UAP1L1: variants seen among roughly 807,000 people sequenced by gnomAD.
UAP1L1 encodes the protein UDP-N-acetylhexosamine pyrophosphorylase-like protein 1.
A neutral mutation model predicts 45.3 loss-of-function variants in UAP1L1; 45 were observed. That is an observed-to-expected ratio of 0.99 (90% CI 0.78 to 1.27). The LOEUF (loss-of-function observed/expected upper bound fraction) is 1.27. Ranked by LOEUF, UAP1L1 falls within the 50% of genes most tolerant of loss-of-function variation. The pLI, the probability that UAP1L1 is intolerant of heterozygous loss-of-function variation, is 0.00. For synonymous variants in UAP1L1, 323 were observed against 303.9 expected, an observed-to-expected ratio of 1.06 and a Z score of -0.65; for missense variants, 667 against 694.0, an observed-to-expected ratio of 0.96 and a Z score of 0.44.
chr9:137,079,644 C>T, intron 5 of UAP1L1, 195 bp downstream of exon 5: 2 of 611,712 alleles, frequency 3.3e-6, no homozygotes, highest in East Asian at 2.9e-5. Flanking sequence ...GGAGATCAGG[C>T]ACAAGCCGTG....
Position 137,077,649 on chromosome 9 carries a change from G to C in UAP1L1, c.117G>C (p.Ala39=). 7.7e-7 allele frequency: 1 copy of C among 1,296,628 alleles called. No homozygotes were observed. Among genetic ancestry groups the C allele is most frequent in the Non-Finnish European group, 9.9e-7 (1 of 1,009,750 alleles). 80.3% of individuals were successfully genotyped at this position (1,296,628 alleles called of 1,614,324 possible). A position where few individuals can be genotyped will look rare whatever the true frequency, so the allele number is the denominator to read the frequency against. Residue 39 remains alanine (A), a synonymous_variant, in exon 1 of 9, where the codon GCG becomes GCC. Coordinates refer to ENST00000409858, the MANE Select transcript of UAP1L1 (RefSeq NM_207309.3). The surrounding 1 kb of genome is among the most constrained non-coding windows in gnomAD (Gnocchi z 4.7). ...GAGCCGCGCTGCTGGCGGAGCTGGC[G>C]CTGCTGGAGCCCGAGGCGCTGCGCG... ...EPRAALLAEL[A]LLEPEALREH...
In UAP1L1 at chr9:137,079,052, T is replaced by C. The variant is rs747033902; in HGVS notation, c.747T>C (p.Phe249=). ...ACATGGAGCGCCGGGGAGTGGAGTT[T>C]GTGCACGTGTACTGTGTGGACAACA... ...LEDMERRGVE[F]VHVYCVDNIL... Residue 249 remains phenylalanine (F), a synonymous_variant, in exon 4 of 9, where the codon TTT becomes TTC. Transcript: ENST00000409858. The C allele has an allele frequency of 1.9e-6, 3 of 1,608,348 alleles. No homozygotes were observed. Among genetic ancestry groups the C allele is most frequent in the Admixed American group, 3.5e-5 (2 of 57,876 alleles).
At position 137,079,398 on chromosome 9, in the gene UAP1L1, G is replaced by C; in HGVS notation, c.986G>C (p.Gly329Ala). The C allele has an allele frequency of 6.2e-7, 1 of 1,605,960 alleles. No individual in the cohort carries two copies. ...GACGGGAGCCTGCTGTACAATGCAG[G>C]CAACATCTGCAACCACTTCTTCACC... ...ASDGSLLYNA[G>A]NICNHFFTRG... The change falls in exon 5 of 9, where the codon GGC becomes GCC. Residue 329 changes from glycine to alanine, a missense_variant. Gly to Ala is a moderately conservative substitution (Grantham distance 60). Transcript: ENST00000409858.
rs1389702143 is a variant in UAP1L1 at position 137,078,159 on chromosome 9, C to G, written c.399C>G (p.Pro133=). 6.5e-7 allele frequency: 1 copy of G among 1,550,086 alleles called. No individual in the cohort carries two copies. Among genetic ancestry groups the G allele is most frequent in the Non-Finnish European group, 8.7e-7 (1 of 1,146,848 alleles). ...YPKGMYRVGL[P]SRKTLYQLQA... ...AGGGTATGTACCGTGTGGGGCTGCC[C>G]AGCCGGAAGACCCTGTACCAGCTGC... The change falls in exon 2 of 9, where the codon CCC becomes CCG. Residue 133 remains proline (P), a synonymous_variant. Coordinates refer to ENST00000409858, the MANE Select transcript of UAP1L1 (RefSeq NM_207309.3).
rs1231882912 is a variant in UAP1L1, at chr9:137,077,914, C to T, written c.289+93C>T. On this transcript the variant is annotated intron_variant, in intron 1 of 8. Coordinates refer to ENST00000409858, the MANE Select transcript of UAP1L1 (RefSeq NM_207309.3). The surrounding 1 kb of genome is among the most constrained non-coding windows in gnomAD (Gnocchi z 4.7). ...CCGCGCTCGGGGAACTGTAGTTCTC[C>T]TCGCTACTTTGAGACGTGTCTCGCC... The T allele has an allele frequency of 1.3e-6, 2 of 1,495,986 alleles. No individual in the cohort carries two copies. Among genetic ancestry groups the T allele is most frequent in the East Asian group, 2.5e-5 (1 of 40,716 alleles). The allele number at this position is 1,495,986 out of a possible 1,614,324, so 92.7% of individuals were successfully genotyped here. A position where few individuals can be genotyped will look rare whatever the true frequency, so the allele number is the denominator to read the frequency against.
rs773820526 is a variant in UAP1L1 at position 137,082,592 on chromosome 9, C to T, written c.1432-45C>T. 46 of 1,493,300 alleles carry T rather than the reference C, an allele frequency of 3.1e-5. No individual in the cohort carries two copies. The Admixed American group carries it at 5.3e-4, about 17-fold the overall frequency. 92.5% of individuals were successfully genotyped at this position (1,493,300 alleles called of 1,614,324 possible). A position where few individuals can be genotyped will look rare whatever the true frequency, so the allele number is the denominator to read the frequency against. ...TGGTGTGGCCAGAGGGGCTGTGACC[C>T]GCCAAAAGGTGGGTACTTGGCCATT... On this transcript the variant is annotated intron_variant, in intron 8 of 8. Coordinates refer to ENST00000409858, the MANE Select transcript of UAP1L1 (RefSeq NM_207309.3). This position sits in a 1 kb window ranked among gnomAD's most constrained non-coding sequence, Gnocchi z 5.7.
chr9:137,081,791 G>A (rs1030824900), intron 7 of UAP1L1, among the ~76,000 whole-genome samples: 5 of 152,152 alleles, frequency 3.3e-5, no homozygotes, highest in Admixed American at 2.0e-4. Context: ...GCCTGTGGGG[G>A]TGCTTTCTAC....
In UAP1L1 at chr9:137,082,649, T is replaced by G. The variant is rs1430326908; in HGVS notation, c.1444T>G (p.Tyr482Asp). The change falls in exon 9 of 9, where the codon TAC (tyrosine) becomes GAC (aspartate). Residue 482 changes from tyrosine to aspartate, a missense_variant. Tyr to Asp is a radical substitution (Grantham distance 160). Coordinates refer to ENST00000409858, the MANE Select transcript of UAP1L1 (RefSeq NM_207309.3). The surrounding 1 kb of genome is among the most constrained non-coding windows in gnomAD (Gnocchi z 5.7). ...TGCTCGTCTCCAGGGTTTAGAAGTG[T>G]ACCTGCAAGGCCGGGAGTTCCAGTC... Reference protein sequence around the residue: ...VSYSGEGLEVYLQGREFQSPL... With the variant: ...VSYSGEGLEVDLQGREFQSPL... 3.2e-6 allele frequency: 5 copies of G among 1,551,882 alleles called. No homozygotes were observed. Among genetic ancestry groups the G allele is most frequent in the Non-Finnish European group, 4.4e-6 (5 of 1,147,264 alleles).
Position 137,079,281 on chromosome 9 carries a change from A to C in UAP1L1, c.869A>C (p.Glu290Ala). ...GTGGTGGAAAAGGCATACCCCGAGG[A>C]GCCCGTGGGCGTGGTGTGCCAGGTG... is the stretch of plus-strand genomic sequence containing the variant. ...AKVVEKAYPE[E>A]PVGVVCQVDG... The change falls in exon 5 of 9, where the codon GAG becomes GCG. Residue 290 changes from glutamate (E) to alanine (A), a missense_variant. Transcript: ENST00000409858. 6.2e-7 allele frequency: 1 copy of C among 1,611,452 alleles called. No homozygotes were observed. Among genetic ancestry groups the C allele is most frequent in the Non-Finnish European group, 8.5e-7 (1 of 1,178,764 alleles).
intron 5 of UAP1L1, 149 bp downstream of exon 5, chr9:137,079,598 G>A (rs1337002129): frequency 1.7e-5 from 12 of 719,592 alleles, no homozygotes; most frequent in African/African-American, 7.2e-5. Flanking sequence ...GGTCGGGGTG[G>A]AGAATGGATC....
chr9:137,078,435 G>A, intron 2 of UAP1L1, 67 bp from the exon 3 acceptor site: 1 of 1,609,248 alleles, frequency 6.2e-7, no homozygotes, highest in Non-Finnish European at 8.5e-7. Flanking sequence ...TGCCGGCTCT[G>A]GTCCGAGCCC....
chr9:137,077,627 C>T lies in UAP1L1; in HGVS notation c.95C>T (p.Ala32Val), dbSNP rs1832711263. Residue 32 changes from alanine to valine, a missense_variant, in exon 1 of 9, where the codon GCC becomes GTC. By Grantham distance (64) the Ala-to-Val change is moderately conservative. Transcript: ENST00000409858. This position sits in a 1 kb window ranked among gnomAD's most constrained non-coding sequence, Gnocchi z 4.7. ...FWAELAPEPR[A>V]ALLAELALLE... is the part of the protein sequence containing the mutation. ...GCCGAGCTGGCGCCGGAGCCACGAG[C>T]CGCGCTGCTGGCGGAGCTGGCGCTG... The T allele has an allele frequency of 1.4e-5, 19 of 1,332,780 alleles. No homozygotes were observed. The highest frequency in any genetic ancestry group is 1.7e-5 in the Non-Finnish European group (18 of 1,029,594). The allele number at this position is 1,332,780 out of a possible 1,614,324, so 82.6% of individuals were successfully genotyped here.
Position 137,082,261 on chromosome 9 carries a change from T to C in UAP1L1, c.1431+197T>C, listed in dbSNP as rs1832799895. ...GGCATCCAGAGGCCTTTGCAGGTCCTGGGAGGGCATGGGGATGAGACAGCC... is the reference window on the plus strand; with the variant it reads ...GGCATCCAGAGGCCTTTGCAGGTCCCGGGAGGGCATGGGGATGAGACAGCC... On this transcript the variant is annotated intron_variant, in intron 8 of 8. Coordinates refer to ENST00000409858, the MANE Select transcript of UAP1L1 (RefSeq NM_207309.3). The surrounding 1 kb of genome is among the most constrained non-coding windows in gnomAD (Gnocchi z 5.7). The C allele has an allele frequency of 7.9e-6, 5 of 629,456 alleles. No individual in the cohort carries two copies. The Admixed American group carries it at 1.0e-4, about 13-fold the overall frequency. 39.0% of individuals were successfully genotyped at this position (629,456 alleles called of 1,614,324 possible).
intron 7 of UAP1L1, among the ~76,000 whole-genome samples, 169 bp downstream of exon 7, chr9:137,081,043 C>CCTGGAGCTCCAGCCAGCTCCA (rs1345163638): frequency 1.3e-5 from 2 of 152,210 alleles, no homozygotes; most frequent in Non-Finnish European, 2.9e-5. Flanking sequence ...CCAGGTCACA[C>CCTGGAGCTCCAGCCAGCTCCA]GGTGACTGTC....
intron 2 of UAP1L1, 91 bp from the exon 3 acceptor site, chr9:137,078,411 A>C (rs772705266): frequency 1.2e-6 from 2 of 1,600,766 alleles, no homozygotes; most frequent in Non-Finnish European, 1.7e-6. Context: ...TGGACACTGG[A>C]CCCCGAACCC....
chr9:137,079,839 T>C, intron 5 of UAP1L1, 163 bp from the exon 6 acceptor site: 2 of 805,926 alleles, frequency 2.5e-6, no homozygotes, highest in Admixed American at 5.2e-5. Flanking sequence ...CTGTGCCTGC[T>C]TCTCCCTGGA....
At chr9:137,081,868 T>G in intron 7 of UAP1L1, 130 bp from the exon 8 acceptor site, 91 of 866,302 alleles carry the variant, frequency 1.1e-4, no homozygotes, top group Middle Eastern at 2.5e-4. Context: ...CAGAGGAAGA[T>G]GAGCTTGCTG....
Position 137,084,226 on chromosome 9 carries a change from C to G in UAP1L1, c.*1497C>G, listed in dbSNP as rs558432202. 1 of 152,292 alleles carries G rather than the reference C, an allele frequency of 6.6e-6. No homozygotes were observed. The highest frequency in any genetic ancestry group is 6.5e-5 in the Admixed American group (1 of 15,282). The allele number at this position is 152,292 out of a possible 1,614,324, so 9.4% of individuals were successfully genotyped here. On this transcript the variant is annotated 3_prime_UTR_variant, in exon 9 of 9. Transcript: ENST00000409858. ...TTTGTTTGTTTTAGACGGAGTTTCACTCTTGTTGCCCAGGCTGGAGTGAAG... is the reference window on the plus strand; with the variant it reads ...TTTGTTTGTTTTAGACGGAGTTTCAGTCTTGTTGCCCAGGCTGGAGTGAAG...
Position 137,077,522 on chromosome 9 carries a change from G to C in UAP1L1, c.-11G>C. On this transcript the variant is annotated 5_prime_UTR_variant, in exon 1 of 9. Transcript: ENST00000409858. This position sits in a 1 kb window ranked among gnomAD's most constrained non-coding sequence, Gnocchi z 4.7. ...GTCACGAGTGCCGACTTGACAGACGGCAGCGGCGACATGGCTTCGGAGCAG... is the reference window on the plus strand; with the variant it reads ...GTCACGAGTGCCGACTTGACAGACGCCAGCGGCGACATGGCTTCGGAGCAG... The C allele has an allele frequency of 2.9e-6, 4 of 1,358,200 alleles. No individual in the cohort carries two copies. The highest frequency in any genetic ancestry group is 5.9e-5 in the Admixed American group (2 of 34,128). The allele number at this position is 1,358,200 out of a possible 1,614,324, so 84.1% of individuals were successfully genotyped here. A position where few individuals can be genotyped will look rare whatever the true frequency, so the allele number is the denominator to read the frequency against.
Sources: gnomAD v4.1 joint callset for allele counts (sites outside exome capture counted in the v4.1 genomes callset) on GRCh38, gnomAD v4.1.1 for gene constraint, Gnocchi (gnomAD v3.1) non-coding constraint, MANE v1.5 for transcripts, NCBI Gene and HGNC (gene_info 2026-07-23, HGNC 2026-07-21) for gene names.